SYN2: variants seen among roughly 807,000 people sequenced by gnomAD.
SYN2 encodes synapsin-2.
A neutral mutation model predicts 50.9 loss-of-function variants in SYN2; 19 were observed. The ratio of observed to expected loss-of-function variants is 0.37; its 90% confidence interval spans 0.26 to 0.55. The LOEUF (loss-of-function observed/expected upper bound fraction) is 0.55, where lower values mean the gene tolerates loss of function less well. Among genes scored for constraint, SYN2 ranks in the 20% least tolerant of loss-of-function variants. The pLI is 0.81. For synonymous variants in SYN2, 255 were observed against 224.9 expected (o/e 1.13, Z -1.20); for missense variants, 587 against 576.4 (o/e 1.02, Z -0.19).
chr3:12,023,978 C>T (rs977986510), intron 1 of SYN2, among the ~76,000 whole-genome samples: 17 of 151,988 alleles, frequency 1.1e-4, no homozygotes, highest in Non-Finnish European at 2.2e-4. Context: ...GGTTTGTTTT[C>T]TCTGTAGACT....
intron 10 of SYN2, among the ~76,000 whole-genome samples, chr3:12,178,438 C>T (rs898688842): frequency 6.6e-6 from 1 of 152,198 alleles, no homozygotes; most frequent in Non-Finnish European, 1.5e-5. Context: ...TTTAAAGTTA[C>T]CTTTGACAAA....
intron 1 of SYN2, among the ~76,000 whole-genome samples, chr3:12,025,209 T>A (rs1488863870): frequency 6.6e-6 from 1 of 152,142 alleles, no homozygotes; most frequent in Non-Finnish European, 1.5e-5. Flanking sequence ...TCTACACTAA[T>A]TACTCCCAAA....
intron 5 of SYN2, chr3:12,154,344 G>C: frequency 6.2e-7 from 1 of 1,614,210 alleles, no homozygotes; most frequent in Non-Finnish European, 8.5e-7. Context: ...CCACAGTTCA[G>C]ATGGTAGTGA....
rs143631446 is a variant in SYN2, at chr3:12,185,969, A to G, written c.1370-1400A>G. 8.5e-5 allele frequency among the ~76,000 whole-genome samples: 13 copies of G among 152,316 alleles called. No homozygotes were observed. The East Asian group carries it at 2.3e-3, about 27-fold the overall frequency. Reference sequence around the variant, plus strand: ...GAGCTTCTTAAACCTGCAGAATTCCATTGATTTATGTATGTGTTTATTTCT... The same window carrying G: ...GAGCTTCTTAAACCTGCAGAATTCCGTTGATTTATGTATGTGTTTATTTCT... On this transcript the variant is annotated intron_variant, in intron 11 of 12. Transcript: ENST00000621198.
chr3:12,012,281 A>C (rs1178986901), intron 1 of SYN2, among the ~76,000 whole-genome samples: 1 of 152,094 alleles, frequency 6.6e-6, no homozygotes, highest in Non-Finnish European at 1.5e-5. Context: ...GCTCTCCTTC[A>C]GTTTTACTTG....
intron 1 of SYN2, among the ~76,000 whole-genome samples, chr3:12,104,575 T>TC (rs560000903): frequency 1.6e-4 from 20 of 127,524 alleles, no homozygotes; most frequent in South Asian, 8.5e-4. Flanking sequence ...CTTTTCTTTT[T>TC]TTTTTTTTTT....
At position 12,191,221 on chromosome 3, in the gene SYN2, C is replaced by T. The variant is rs1432867395; in HGVS notation, c.*596C>T. 1 of 976,370 alleles carries T rather than the reference C, an allele frequency of 1.0e-6. No homozygotes were observed. The highest frequency in any genetic ancestry group is 1.2e-6 in the Non-Finnish European group (1 of 821,844). The allele number at this position is 976,370 out of a possible 1,614,324, so 60.5% of individuals were successfully genotyped here. On this transcript the variant is annotated 3_prime_UTR_variant, in exon 13 of 13. Transcript: ENST00000621198. ...TGCTGATATTCGGGAGAACAAGGAT[C>T]TGCAGTTTCCCCTTTTCTCCCCTCT...
intron 1 of SYN2, among the ~76,000 whole-genome samples, chr3:12,007,145 C>A (rs1246123967): frequency 6.6e-6 from 1 of 152,176 alleles, no homozygotes; most frequent in Non-Finnish European, 1.5e-5. Context: ...GGATAGTATT[C>A]TCTAGGAAGC....
At chr3:12,049,863 A>G (rs1223117129) in intron 1 of SYN2, among the ~76,000 whole-genome samples, 1 of 152,252 alleles carries the variant, frequency 6.6e-6, no homozygotes. Context: ...AGATAAAATC[A>G]GTACCTTGGA....
At chr3:12,158,790 C>T in intron 5 of SYN2, 1 of 1,603,212 alleles carries the variant, frequency 6.2e-7, no homozygotes, top group Non-Finnish European at 8.5e-7. Flanking sequence ...GCAACGCCAG[C>T]AGCCGCAGCA....
intron 1 of SYN2, among the ~76,000 whole-genome samples, chr3:12,110,517 C>G (rs1696287549): frequency 6.6e-6 from 1 of 152,216 alleles, no homozygotes; most frequent in Admixed American, 6.5e-5. Context: ...CCACATTTCA[C>G]TTCTGCACTG....
At chr3:12,189,680 G>A (rs910508232) in intron 12 of SYN2, among the ~76,000 whole-genome samples, 1 of 152,190 alleles carries the variant, frequency 6.6e-6, no homozygotes, top group Non-Finnish European at 1.5e-5. Context: ...GCAACCATCT[G>A]TAGTCCCAGC....
chr3:12,125,279 C>T (rs1024666714), intron 1 of SYN2, among the ~76,000 whole-genome samples: 6 of 151,730 alleles, frequency 4.0e-5, no homozygotes, highest in African/African-American at 7.3e-5. Context: ...GGACTACAGG[C>T]GTGAGCCACC....
intron 10 of SYN2, among the ~76,000 whole-genome samples, chr3:12,174,044 C>A (rs190295966): frequency 8.8e-4 from 134 of 152,262 alleles, no homozygotes; most frequent in African/African-American, 2.6e-3. Flanking sequence ...GAGGCCCCCC[C>A]GCCCATCGCT....
intron 10 of SYN2, among the ~76,000 whole-genome samples, chr3:12,173,881 C>G (rs1697995936): frequency 6.6e-6 from 1 of 152,120 alleles, no homozygotes; most frequent in South Asian, 2.1e-4. Context: ...ACCAGTGCAC[C>G]TGGGTGACAG....
intron 1 of SYN2, among the ~76,000 whole-genome samples, chr3:12,132,782 C>G (rs1429443720): frequency 2.0e-5 from 3 of 152,138 alleles, no homozygotes; most frequent in East Asian, 1.9e-4. Context: ...TTTCCATAAG[C>G]TTTCTAGTGA....
chr3:12,019,354 T>C (rs1330177373), intron 1 of SYN2, among the ~76,000 whole-genome samples: 1 of 152,178 alleles, frequency 6.6e-6, no homozygotes, highest in Non-Finnish European at 1.5e-5. Flanking sequence ...CAACTATGAG[T>C]TGCTAATGGT....
At chr3:12,128,855 T>C (rs763460285) in intron 1 of SYN2, among the ~76,000 whole-genome samples, 11 of 152,158 alleles carry the variant, frequency 7.2e-5, no homozygotes, top group African/African-American at 2.7e-4. Flanking sequence ...GTGGTGCACT[T>C]GATACTTTAC....
chr3:12,008,383 C>T (rs1409143145), intron 1 of SYN2, among the ~76,000 whole-genome samples: 1 of 152,092 alleles, frequency 6.6e-6, no homozygotes, highest in Admixed American at 6.6e-5. Flanking sequence ...CATCTAAGAG[C>T]TTGCTGTCCA....
Sources: allele counts gnomAD v4.1 joint callset (sites outside exome capture counted in the v4.1 genomes callset), GRCh38; gene constraint gnomAD v4.1.1; transcripts MANE v1.5; gene names NCBI Gene and HGNC (gene_info 2026-07-23, HGNC 2026-07-21).